TPPP: variants seen among roughly 807,000 people sequenced by gnomAD.
The protein encoded by TPPP is tubulin polymerization promoting protein.
In TPPP, 6 loss-of-function variants were observed where a neutral mutation model predicts 15.5. That is an observed-to-expected ratio of 0.39 (90% CI 0.21 to 0.77). TPPP has a LOEUF of 0.77. TPPP is among the 30% of genes least tolerant of loss of function. TPPP has a pLI of 0.42. For synonymous variants in TPPP, 146 were observed against 133.9 expected, an observed-to-expected ratio of 1.09 and a Z score of -0.63; for missense variants, 269 against 307.2, an observed-to-expected ratio of 0.88 and a Z score of 0.93.
intron 1 of TPPP, among the ~76,000 whole-genome samples, chr5:680,943 C>T (rs961667151): frequency 7.2e-5 from 11 of 152,340 alleles, no homozygotes; most frequent in South Asian, 4.1e-4. Context: ...GCCACAGACA[C>T]GGAGCAGGAG....
chr5:694,474 A>AGG (rs1740982991), upstream of TPPP, among the ~76,000 whole-genome samples: 2 of 124,894 alleles, frequency 1.6e-5, no homozygotes, highest in African/African-American at 5.1e-5. Context: ...CAAAGGCAGA[A>AGG]GGGGAAGTTG....
chr5:696,302 G>A (rs1464149857), upstream of TPPP, among the ~76,000 whole-genome samples: 181 of 123,230 alleles, frequency 1.5e-3, 1 homozygote, highest in African/African-American at 5.3e-3. Flanking sequence ...CGGGGAGCGG[G>A]GGGAGCAATG....
In TPPP at chr5:663,106, G is replaced by C. The variant is rs1341885648; in HGVS notation, c.*1996C>G. On this transcript the variant is annotated 3_prime_UTR_variant, in exon 4 of 4. Transcript: ENST00000360578. Reference sequence around the variant, plus strand: ...TGTCTGTGATTGGGCGATTCCGGTGGCCGCTCGTCTGTGATCGGGCGATTC... The same window carrying C: ...TGTCTGTGATTGGGCGATTCCGGTGCCCGCTCGTCTGTGATCGGGCGATTC... The C allele has an allele frequency of 7.8e-6, 1 of 128,530 alleles. No homozygotes were observed. Among genetic ancestry groups the C allele is most frequent in the African/African-American group, 3.0e-5 (1 of 33,540 alleles). The allele number at this position is 128,530 out of a possible 1,614,324, so 8.0% of individuals were successfully genotyped here. A position where few individuals can be genotyped will look rare whatever the true frequency, so the allele number is the denominator to read the frequency against.
intron 2 of TPPP, among the ~76,000 whole-genome samples, chr5:674,207 A>G (rs537831154): frequency 1.3e-5 from 2 of 152,298 alleles, no homozygotes; most frequent in South Asian, 4.1e-4. Context: ...TGGAACACAC[A>G]TTGGGCGGCA....
At chr5:684,538 C>T (rs1561093067) in intron 1 of TPPP, among the ~76,000 whole-genome samples, 4 of 151,920 alleles carry the variant, frequency 2.6e-5, no homozygotes. Flanking sequence ...AAGGAGTGGA[C>T]AGAGCCCCTG....
Position 665,050 on chromosome 5 carries a change from C to CA in TPPP, c.*51dup. 2 of 1,568,648 alleles carry CA rather than the reference C, an allele frequency of 1.3e-6. No individual in the cohort carries two copies. Among genetic ancestry groups the CA allele is most frequent in the East Asian group, 2.2e-5 (1 of 44,558 alleles). On this transcript the variant is annotated 3_prime_UTR_variant, in exon 4 of 4. Coordinates refer to ENST00000360578, the MANE Select transcript of TPPP (RefSeq NM_007030.3). The stretch of plus-strand genomic sequence containing the variant: ...AGGAATGTAATGAAGTGCGAGGTGA[C>CA]AGAGTCCCTGCTCTGGGGACACCGG...
intron 2 of TPPP, among the ~76,000 whole-genome samples, chr5:675,465 G>GGGCGTGCAGTGTGGCCA (rs757383117): frequency 2.2e-5 from 1 of 45,450 alleles, no homozygotes; most frequent in East Asian, 7.9e-4. Context: ...GTGCAGCACA[G>GGGCGTGCAGTGTGGCCA]GGGGTGCAGT....
chr5:693,112 C>A (rs1740936405), intron 1 of TPPP, among the ~76,000 whole-genome samples, 166 bp downstream of exon 1: 2 of 111,778 alleles, frequency 1.8e-5, no homozygotes, highest in African/African-American at 6.2e-5. Context: ...CCGGGCATCC[C>A]AATCCGGGGG....
chr5:674,627 C>T (rs1740340250), intron 2 of TPPP, among the ~76,000 whole-genome samples: 1 of 152,104 alleles, frequency 6.6e-6, no homozygotes, highest in Non-Finnish European at 1.5e-5. Context: ...GCTGGTGACC[C>T]ACCAGAGCGG....
the TPPP span, among the ~76,000 whole-genome samples, chr5:698,360 G>C: frequency 6.6e-6 from 1 of 152,056 alleles, no homozygotes; most frequent in African/African-American, 2.4e-5. Flanking sequence ...CATTGGAGAA[G>C]AAGGAGCCCA....
At chr5:697,943 C>G (rs1417751449), upstream of TPPP, among the ~76,000 whole-genome samples, 1 of 143,680 alleles carries the variant, frequency 7.0e-6, no homozygotes, top group African/African-American at 2.6e-5. Flanking sequence ...CAACGAAATA[C>G]CAGAAAATAG....
chr5:697,398 G>A (rs533074436), upstream of TPPP, among the ~76,000 whole-genome samples: 1 of 151,216 alleles, frequency 6.6e-6, no homozygotes, highest in East Asian at 2.0e-4. Flanking sequence ...GCGGGGACAC[G>A]GCAACAGGAC....
chr5:678,176 A>C, intron 1 of TPPP, 112 bp from the exon 2 acceptor site: 1 of 1,176,876 alleles, frequency 8.5e-7, no homozygotes, highest in East Asian at 2.6e-5. Context: ...GCGAGGGCTG[A>C]GATGGGCAGG....
intron 1 of TPPP, among the ~76,000 whole-genome samples, chr5:683,753 AG>A (rs1322820076): frequency 3.3e-5 from 5 of 152,282 alleles, no homozygotes; most frequent in African/African-American, 1.2e-4. Context: ...GGCGCTCAGC[AG>A]TATTCAGGCA....
intron 1 of TPPP, among the ~76,000 whole-genome samples, chr5:692,289 C>CT (rs1740905062): frequency 7.6e-6 from 1 of 132,262 alleles, no homozygotes; most frequent in African/African-American, 2.8e-5. Context: ...AAACAGCAGC[C>CT]CCCAAACCCC....
intron 1 of TPPP, among the ~76,000 whole-genome samples, chr5:685,001 C>T (rs866155569): frequency 9.2e-5 from 14 of 152,260 alleles, no homozygotes; most frequent in Middle Eastern, 3.4e-3. Flanking sequence ...CGGCCGGGGC[C>T]GCCCCAGGAC....
At chr5:682,659 G>A (rs1402115196) in intron 1 of TPPP, among the ~76,000 whole-genome samples, 3 of 152,186 alleles carry the variant, frequency 2.0e-5, no homozygotes, top group African/African-American at 7.2e-5. Flanking sequence ...CCTGGAGCCT[G>A]TAACTAGGGC....
chr5:686,304 C>T (rs1201158190), intron 1 of TPPP, among the ~76,000 whole-genome samples: 16 of 152,368 alleles, frequency 1.1e-4, no homozygotes, highest in Middle Eastern at 3.4e-3. Flanking sequence ...AGGACTCTCA[C>T]GCGGGGCACA....
chr5:694,366 T>TCAGCGGGACTCTTC (rs1740980460), upstream of TPPP, among the ~76,000 whole-genome samples: 1 of 128,068 alleles, frequency 7.8e-6, no homozygotes, highest in Non-Finnish European at 1.8e-5. Flanking sequence ...CTGGTGACTT[T>TCAGCGGGACTCTTC]CAGCTGGACT....
Sources: gnomAD v4.1 joint callset for allele counts (sites outside exome capture counted in the v4.1 genomes callset) on GRCh38, gnomAD v4.1.1 for gene constraint, MANE v1.5 for transcripts, NCBI Gene and HGNC (gene_info 2026-07-23, HGNC 2026-07-21) for gene names.